Variants in BMPER observed in about 807,000 individuals in gnomAD.
BMPER encodes the protein BMP-binding endothelial regulator protein.
In BMPER, 45 loss-of-function variants were observed where a neutral mutation model predicts 87.3. The observed-to-expected ratio is 0.52, with a 90% CI of 0.41 to 0.66. The LOEUF is 0.66. BMPER is among the 30% of genes least tolerant of loss of function. The pLI is 0.00. For synonymous variants in BMPER, 326 were observed against 316.2 expected, an observed-to-expected ratio of 1.03 and a Z score of -0.33; for missense variants, 784 against 867.5, an observed-to-expected ratio of 0.90 and a Z score of 1.21.
intron 13 of BMPER, among the ~76,000 whole-genome samples, chr7:34,134,064 C>T (rs1484636569): frequency 1.3e-5 from 2 of 152,268 alleles, no homozygotes; most frequent in African/African-American, 4.8e-5. Flanking sequence ...GAGGCTTCTT[C>T]CTGGTGGTGG....
intron 5 of BMPER, among the ~76,000 whole-genome samples, chr7:33,972,823 C>T (rs780430532): frequency 9.2e-5 from 14 of 152,210 alleles, no homozygotes; most frequent in Admixed American, 3.3e-4. Flanking sequence ...TTCATTCCCT[C>T]GCCTTAATTC....
At chr7:33,922,497 G>A (rs1021525968) in intron 2 of BMPER, among the ~76,000 whole-genome samples, 1 of 152,186 alleles carries the variant, frequency 6.6e-6, no homozygotes, top group Non-Finnish European at 1.5e-5. Flanking sequence ...TGTTGTTGTT[G>A]TTCTGTTTTG....
intron 13 of BMPER, among the ~76,000 whole-genome samples, chr7:34,127,314 A>G (rs989581339): frequency 6.6e-5 from 10 of 152,266 alleles, no homozygotes; most frequent in Non-Finnish European, 1.5e-4. Flanking sequence ...CCTCTCTCCA[A>G]TGTAGACACA....
chr7:33,908,468 T>C (rs1278610764), intron 2 of BMPER, among the ~76,000 whole-genome samples: 1 of 152,188 alleles, frequency 6.6e-6, no homozygotes, highest in African/African-American at 2.4e-5. Context: ...TCAGTACTCC[T>C]ACCCCTGCTA....
chr7:34,091,641 C>G (rs140412940), intron 13 of BMPER, among the ~76,000 whole-genome samples: 24 of 152,320 alleles, frequency 1.6e-4, no homozygotes, highest in African/African-American at 5.8e-4. Flanking sequence ...TCTCCTGCCT[C>G]CCTAAGATGC....
intron 13 of BMPER, among the ~76,000 whole-genome samples, chr7:34,094,482 C>T (rs1789477905): frequency 1.3e-5 from 2 of 152,214 alleles, no homozygotes; most frequent in African/African-American, 4.8e-5. Context: ...AGGAGGCAGG[C>T]AGGGGAGCAG....
At chr7:33,963,386 A>G (rs1785318748) in intron 3 of BMPER, among the ~76,000 whole-genome samples, 1 of 152,186 alleles carries the variant, frequency 6.6e-6, no homozygotes, top group Admixed American at 6.5e-5. Flanking sequence ...TTCTGTGCCT[A>G]TTACATGTAA....
chr7:34,065,059 A>G (rs1366640513), intron 11 of BMPER, among the ~76,000 whole-genome samples: 2 of 152,198 alleles, frequency 1.3e-5, no homozygotes, highest in African/African-American at 4.8e-5. Context: ...CTCTTAATAT[A>G]CAGATTTCTA....
At position 34,153,075 on chromosome 7, in the gene BMPER, C is replaced by T; in HGVS notation, c.1877-17C>T. Reference sequence around the variant, plus strand: ...GCCTTTCTCCATGTTATGCCTTTGTCTCCTTCTCTTTTTCAGCCACCCAGT... The same window carrying T: ...GCCTTTCTCCATGTTATGCCTTTGTTTCCTTCTCTTTTTCAGCCACCCAGT... On this transcript the variant is annotated splice_polypyrimidine_tract_variant and intron_variant, in intron 14 of 14. Transcript: ENST00000649409. The T allele has an allele frequency of 6.2e-7, 1 of 1,613,890 alleles. No homozygotes were observed. Among genetic ancestry groups the T allele is most frequent in the Non-Finnish European group, 8.5e-7 (1 of 1,179,850 alleles).
intron 6 of BMPER, among the ~76,000 whole-genome samples, chr7:34,038,682 G>A (rs776547457): frequency 3.2e-4 from 49 of 152,138 alleles, no homozygotes; most frequent in Non-Finnish European, 2.9e-4. Context: ...TTAATAGGTC[G>A]TGAAGTACAA....
intron 6 of BMPER, among the ~76,000 whole-genome samples, chr7:34,020,895 C>A (rs1422460710): frequency 6.6e-6 from 1 of 151,520 alleles, no homozygotes; most frequent in Non-Finnish European, 1.5e-5. Context: ...CACACACGCA[C>A]GCACACACAC....
intron 2 of BMPER, among the ~76,000 whole-genome samples, chr7:33,910,212 A>G (rs1306443605): frequency 6.6e-6 from 1 of 152,190 alleles, no homozygotes; most frequent in Admixed American, 6.5e-5. Context: ...TACCTTACAA[A>G]ATGGTCTTTT....
At chr7:33,940,428 C>G (rs772924356) in intron 3 of BMPER, among the ~76,000 whole-genome samples, 1 of 152,078 alleles carries the variant, frequency 6.6e-6, no homozygotes, top group Non-Finnish European at 1.5e-5. Flanking sequence ...AAGAGCCTTG[C>G]GTAGTAAAGG....
chr7:34,120,906 A>AT (rs1360409384), intron 13 of BMPER, among the ~76,000 whole-genome samples: 2 of 152,260 alleles, frequency 1.3e-5, no homozygotes, highest in East Asian at 3.9e-4. Context: ...TGTACGTAAA[A>AT]TTCAGAATAT....
At chr7:33,914,727 T>C (rs1784048518) in intron 2 of BMPER, among the ~76,000 whole-genome samples, 1 of 152,084 alleles carries the variant, frequency 6.6e-6, no homozygotes, top group African/African-American at 2.4e-5. Flanking sequence ...GCCTATAATA[T>C]TAACTAGAAG....
intron 13 of BMPER, among the ~76,000 whole-genome samples, chr7:34,119,032 A>ACACACACACACACACACACACACG (rs1280818548): frequency 2.0e-5 from 3 of 151,320 alleles, no homozygotes; most frequent in Non-Finnish European, 4.4e-5. Context: ...ACACACACAC[A>ACACACACACACACACACACACACG]CACACGCACT....
intron 13 of BMPER, among the ~76,000 whole-genome samples, chr7:34,089,867 A>G (rs1789332269): frequency 6.6e-6 from 1 of 152,198 alleles, no homozygotes; most frequent in Non-Finnish European, 1.5e-5. Context: ...TCCAGTGTGT[A>G]AGTACTTGAA....
At chr7:33,925,276 A>G (rs1032159931) in intron 2 of BMPER, among the ~76,000 whole-genome samples, 2 of 152,220 alleles carry the variant, frequency 1.3e-5, no homozygotes, top group Non-Finnish European at 2.9e-5. Flanking sequence ...CCCAAAATAA[A>G]TGATGAACTT....
chr7:34,108,608 C>T (rs1789884390), intron 13 of BMPER, among the ~76,000 whole-genome samples: 1 of 152,170 alleles, frequency 6.6e-6, no homozygotes. Flanking sequence ...TAGTGTATCC[C>T]TGTAAACTTT....
Sources: gnomAD v4.1 joint callset for allele counts (sites outside exome capture counted in the v4.1 genomes callset) on GRCh38, gnomAD v4.1.1 for gene constraint, MANE v1.5 for transcripts, NCBI Gene and HGNC (gene_info 2026-07-23, HGNC 2026-07-21) for gene names.